Variants in ARHGEF37 observed in about 807,000 individuals in gnomAD.
ARHGEF37 encodes the protein Rho guanine nucleotide exchange factor 37.
In ARHGEF37, 55 loss-of-function variants were observed where a neutral mutation model predicts 71.1. That is an observed-to-expected ratio of 0.77 (90% CI 0.62 to 0.97). ARHGEF37 has a LOEUF of 0.97. ARHGEF37 is among the 50% of genes least tolerant of loss of function. The probability of loss-of-function intolerance (pLI) is 0.00; values close to 1 mark genes in which losing one functional copy is unlikely to be tolerated. For missense variants in ARHGEF37, 765 were observed against 836.8 expected (o/e 0.91, Z 1.06); for synonymous variants, 327 against 350.6 (o/e 0.93, Z 0.75).
At chr5:149,578,625 A>G (rs1178854660), upstream of ARHGEF37, among the ~76,000 whole-genome samples, 8 of 152,372 alleles carry the variant, frequency 5.3e-5, no homozygotes, top group Middle Eastern at 3.4e-3. Flanking sequence ...TTGAATTTTG[A>G]ACTGGCACAT....
At chr5:149,612,418 C>T (rs903290960) in intron 4 of ARHGEF37, among the ~76,000 whole-genome samples, 2 of 152,192 alleles carry the variant, frequency 1.3e-5, no homozygotes, top group African/African-American at 2.4e-5. Context: ...CCGCCCACCT[C>T]GGCCTCCCAG....
chr5:149,564,523 A>T (rs1180053452), intron 1 of ARHGEF37, among the ~76,000 whole-genome samples: 1 of 152,094 alleles, frequency 6.6e-6, no homozygotes, highest in Non-Finnish European at 1.5e-5. Flanking sequence ...TTAAGGGAAG[A>T]TATAAAAACA....
At chr5:149,610,690 T>A (rs1463343808) in intron 4 of ARHGEF37, among the ~76,000 whole-genome samples, 6 of 151,936 alleles carry the variant, frequency 3.9e-5, no homozygotes, top group Admixed American at 1.3e-4. Context: ...TCTGCAAGAG[T>A]CACAAAATAT....
At chr5:149,584,373 A>T (rs1763178757) in intron 1 of ARHGEF37, among the ~76,000 whole-genome samples, 1 of 145,444 alleles carries the variant, frequency 6.9e-6, no homozygotes, top group Non-Finnish European at 1.5e-5. Flanking sequence ...AAAGAGAGAG[A>T]GAATGTGTAT....
At chr5:149,551,649 A>C (rs770477880), upstream of ARHGEF37, 1 of 152,420 alleles carries the variant, frequency 6.6e-6, no homozygotes, top group Non-Finnish European at 1.5e-5. Flanking sequence ...GCGGCTCAGC[A>C]GGTGTTACCT....
chr5:149,630,035 G>T (rs577205101), intron 12 of ARHGEF37, among the ~76,000 whole-genome samples: 3 of 151,350 alleles, frequency 2.0e-5, no homozygotes, highest in African/African-American at 7.3e-5. Flanking sequence ...GGGGTGGGAG[G>T]TGGGGAATGG....
intron 1 of ARHGEF37, among the ~76,000 whole-genome samples, chr5:149,566,390 G>T (rs1440639608): frequency 6.6e-6 from 1 of 151,838 alleles, no homozygotes; most frequent in African/African-American, 2.4e-5. Context: ...CCAGCTACTC[G>T]GGAGGCTGAG....
At chr5:149,628,361 C>A (rs1305520355) in intron 11 of ARHGEF37, among the ~76,000 whole-genome samples, 1 of 152,210 alleles carries the variant, frequency 6.6e-6, no homozygotes, top group Non-Finnish European at 1.5e-5. Context: ...TGACAGCAAT[C>A]AGAACAGCAC....
chr5:149,611,169 C>G (rs1764067481), intron 4 of ARHGEF37, among the ~76,000 whole-genome samples: 1 of 152,194 alleles, frequency 6.6e-6, no homozygotes, highest in African/African-American at 2.4e-5. Flanking sequence ...TAGCTGGGAA[C>G]TGGCACATTG....
At chr5:149,558,181 T>G (rs1041103330) in intron 1 of ARHGEF37, among the ~76,000 whole-genome samples, 2 of 151,916 alleles carry the variant, frequency 1.3e-5, no homozygotes, top group African/African-American at 4.8e-5. Context: ...CCTTTTTTCT[T>G]CTTTCTTTCT....
chr5:149,619,234 G>T (rs1439943581), intron 7 of ARHGEF37, among the ~76,000 whole-genome samples, 192 bp downstream of exon 7: 2 of 152,176 alleles, frequency 1.3e-5, no homozygotes, highest in African/African-American at 4.8e-5. Flanking sequence ...ACTGGGGGCA[G>T]CTCCGAGCCC....
intron 1 of ARHGEF37, among the ~76,000 whole-genome samples, chr5:149,568,930 T>C (rs1407059190): frequency 6.6e-6 from 1 of 151,508 alleles, no homozygotes; most frequent in Non-Finnish European, 1.5e-5. Flanking sequence ...GATTTTTTTT[T>C]ATCATAGATT....
chr5:149,557,356 A>G (rs1175446610), intron 1 of ARHGEF37, among the ~76,000 whole-genome samples: 2 of 152,232 alleles, frequency 1.3e-5, no homozygotes, highest in African/African-American at 4.8e-5. Flanking sequence ...TACAGTAAAT[A>G]TCTGCTGTTA....
chr5:149,609,130 G>A (rs1219934712), intron 3 of ARHGEF37, among the ~76,000 whole-genome samples: 1 of 152,090 alleles, frequency 6.6e-6, no homozygotes, highest in East Asian at 1.9e-4. Flanking sequence ...GTTGCAGTGA[G>A]TAGAGATTGC....
At chr5:149,620,857 A>G (rs548137731) in intron 8 of ARHGEF37, among the ~76,000 whole-genome samples, 3 of 145,188 alleles carry the variant, frequency 2.1e-5, no homozygotes, top group South Asian at 4.6e-4. Flanking sequence ...ACTTTACACA[A>G]TTGCCACATC....
intron 2 of ARHGEF37, among the ~76,000 whole-genome samples, chr5:149,598,327 T>TCTC (rs1763624399): frequency 1.1e-5 from 1 of 90,552 alleles, no homozygotes; most frequent in Non-Finnish European, 2.3e-5. Flanking sequence ...TTCTTCTTCT[T>TCTC]TCTTCCTCTT....
In ARHGEF37 at chr5:149,632,537, G is replaced by A. The variant is rs1210259789; in HGVS notation, c.*346G>A. ...GTGCCTGCATCCGGGCCTGCCTGTG[G>A]GCGTGGGTCACACGGGATAATGTTA... On this transcript the variant is annotated 3_prime_UTR_variant, in exon 13 of 13. Transcript: ENST00000333677. 3.5e-6 allele frequency: 1 copy of A among 283,562 alleles called. No homozygotes were observed. The allele number at this position is 283,562 out of a possible 1,614,324, so 17.6% of individuals were successfully genotyped here.
In ARHGEF37 at chr5:149,616,754, C is replaced by A. The variant is rs374655369; in HGVS notation, c.646C>A (p.Arg216Ser). 14 of 1,601,226 alleles carry A rather than the reference C, an allele frequency of 8.7e-6. No homozygotes were observed. In the Admixed American group the frequency reaches 2.2e-4, roughly 25 times the overall value. The change falls in exon 5 of 13, where the codon CGC becomes AGC. Residue 216 changes from arginine (R) to serine (S), a missense_variant. Physicochemically the swap from Arg to Ser is moderately radical, Grantham distance 110. Coordinates refer to ENST00000333677, the MANE Select transcript of ARHGEF37 (RefSeq NM_001001669.3). ...CACCAATATCAATGAGTACAAGATG[C>A]GCAAGGAAGTGGGTAAGGACTTGGG... is the stretch of plus-strand genomic sequence containing the variant. Reference protein sequence around the residue: ...VNTNINEYKMRKEVASKYTKV... With the variant: ...VNTNINEYKMSKEVASKYTKV...
intron 1 of ARHGEF37, among the ~76,000 whole-genome samples, chr5:149,566,784 C>T (rs1458252732): frequency 1.3e-5 from 2 of 152,044 alleles, no homozygotes; most frequent in East Asian, 1.9e-4. Context: ...CCAACAGAAC[C>T]GTTATCTCAC....
Sources: gnomAD v4.1 joint callset for allele counts (sites outside exome capture counted in the v4.1 genomes callset) on GRCh38, gnomAD v4.1.1 for gene constraint, MANE v1.5 for transcripts, NCBI Gene and HGNC (gene_info 2026-07-23, HGNC 2026-07-21) for gene names.